Variants in KCNIP4 observed in about 807,000 individuals in gnomAD.
The protein encoded by KCNIP4 is Kv channel-interacting protein 4.
A neutral mutation model predicts 34.0 loss-of-function variants in KCNIP4; 12 were observed. That is an observed-to-expected ratio of 0.35 (90% CI 0.23 to 0.57). The LOEUF (loss-of-function observed/expected upper bound fraction) is 0.57, where lower values mean the gene tolerates loss of function less well. KCNIP4 is among the 20% of genes least tolerant of loss of function. The pLI is 0.83. For missense variants in KCNIP4, 238 were observed against 311.7 expected (o/e 0.76, Z 1.78); for synonymous variants, 124 against 102.2 (o/e 1.21, Z -1.29).
intron 1 of KCNIP4, among the ~76,000 whole-genome samples, chr4:21,533,015 CATATGTATATATAT>C (rs1736825136): frequency 7.0e-6 from 1 of 143,178 alleles, no homozygotes; most frequent in Non-Finnish European, 1.5e-5. Flanking sequence ...TGTATATATA[CATATGTATATATAT>C]ACTCTTCTAC....
chr4:21,257,308 A>G (rs1212997749), intron 1 of KCNIP4, among the ~76,000 whole-genome samples: 1 of 152,168 alleles, frequency 6.6e-6, no homozygotes, highest in African/African-American at 2.4e-5. Context: ...TTTTTCATTC[A>G]TTCATGTTTT....
At chr4:21,606,858 T>C (rs1743728505) in intron 1 of KCNIP4, among the ~76,000 whole-genome samples, 1 of 152,088 alleles carries the variant, frequency 6.6e-6, no homozygotes, top group Admixed American at 6.6e-5. Flanking sequence ...CTTTGGCTTG[T>C]GCATGCCTTC....
intron 1 of KCNIP4, among the ~76,000 whole-genome samples, chr4:21,443,834 G>C (rs1040734462): frequency 6.6e-6 from 1 of 152,094 alleles, no homozygotes; most frequent in Non-Finnish European, 1.5e-5. Context: ...TTGGGAGGCT[G>C]AGGTGGGAGG....
At chr4:21,768,477 A>C (rs1311268856) in intron 1 of KCNIP4, among the ~76,000 whole-genome samples, 1 of 152,140 alleles carries the variant, frequency 6.6e-6, no homozygotes, top group African/African-American at 2.4e-5. Flanking sequence ...TCAAGGAAAA[A>C]GAGAAATGCT....
At chr4:21,934,350 C>T (rs1051729885) in intron 1 of KCNIP4, among the ~76,000 whole-genome samples, 1 of 152,026 alleles carries the variant, frequency 6.6e-6, no homozygotes, top group Admixed American at 6.6e-5. Context: ...AGGTTACTTT[C>T]ATTGCCATCC....
intron 1 of KCNIP4, among the ~76,000 whole-genome samples, chr4:20,988,576 T>C (rs1736801728): frequency 6.6e-6 from 1 of 152,230 alleles, no homozygotes; most frequent in Non-Finnish European, 1.5e-5. Context: ...AAAATAAGTG[T>C]AGCAAGATTG....
Position 21,372,393 on chromosome 4 carries a change from G to GA in KCNIP4, c.62-489685_62-489684insT, listed in dbSNP as rs60923540. On this transcript the variant is annotated intron_variant, in intron 1 of 8. Transcript: ENST00000382152. ...AGATAGATAGATAGATAGATAGATA[G>GA]TTAGATAGACAGACAGACAGATACA... 7.9e-4 allele frequency among the ~76,000 whole-genome samples: 116 copies of GA among 146,894 alleles called. 10 individuals are homozygous for GA. The highest frequency in any genetic ancestry group is 4.8e-3 in the East Asian group (24 of 5,032).
chr4:21,550,246 A>G (rs140410579), intron 1 of KCNIP4, among the ~76,000 whole-genome samples: 43 of 152,164 alleles, frequency 2.8e-4, no homozygotes, highest in Admixed American at 1.2e-3. Context: ...TTCCTCCTCT[A>G]ATAGCCAATG....
At chr4:21,333,199 G>C (rs1036055037) in intron 1 of KCNIP4, among the ~76,000 whole-genome samples, 5 of 151,868 alleles carry the variant, frequency 3.3e-5, no homozygotes, top group Non-Finnish European at 7.4e-5. Context: ...TGGTGATTTT[G>C]CTTTAATAAT....
chr4:21,171,906 T>G (rs972314477), intron 1 of KCNIP4, among the ~76,000 whole-genome samples: 3 of 152,190 alleles, frequency 2.0e-5, no homozygotes, highest in African/African-American at 7.2e-5. Flanking sequence ...AAGTGGGAAC[T>G]TGTGTTCTAC....
intron 1 of KCNIP4, among the ~76,000 whole-genome samples, chr4:21,191,521 T>C (rs970091144): frequency 2.0e-5 from 3 of 152,164 alleles, no homozygotes; most frequent in African/African-American, 7.2e-5. Context: ...GTCAGGATGA[T>C]GCGCCCTAGT....
intron 1 of KCNIP4, among the ~76,000 whole-genome samples, chr4:21,071,420 T>G (rs1478103950): frequency 6.6e-6 from 1 of 152,112 alleles, no homozygotes; most frequent in South Asian, 2.1e-4. Context: ...TTGAGCGTCT[T>G]TTTGGGTTCT....
chr4:21,714,559 T>G (rs1577888605), intron 1 of KCNIP4, among the ~76,000 whole-genome samples: 1 of 120,408 alleles, frequency 8.3e-6, no homozygotes, highest in Non-Finnish European at 1.7e-5. Flanking sequence ...AAGGGGGGGA[T>G]TAATGGGGGA....
At chr4:20,824,177 A>G (rs1045163069) in intron 3 of KCNIP4, among the ~76,000 whole-genome samples, 37 of 152,212 alleles carry the variant, frequency 2.4e-4, no homozygotes, top group African/African-American at 8.9e-4. Context: ...TCTAGCACAA[A>G]GACAGCATTA....
intron 1 of KCNIP4, among the ~76,000 whole-genome samples, chr4:21,142,822 A>G (rs922994679): frequency 6.6e-6 from 1 of 152,220 alleles, no homozygotes; most frequent in Admixed American, 6.5e-5. Flanking sequence ...TGCAAATATG[A>G]TGCATGGCAT....
chr4:20,732,100 G>C, intron 7 of KCNIP4, 32 bp from the exon 8 acceptor site: 2 of 1,483,312 alleles, frequency 1.3e-6, no homozygotes, highest in Non-Finnish European at 1.9e-6. Flanking sequence ...ATTGTATTTA[G>C]ACTTATCCCT....
intron 1 of KCNIP4, among the ~76,000 whole-genome samples, chr4:21,437,304 C>T (rs67014159): frequency 0.12 from 18,089 of 152,050 alleles, 1,188 homozygotes; most frequent in East Asian, 0.18. Flanking sequence ...TTTTCAACAA[C>T]AATAACAACA....
intron 1 of KCNIP4, among the ~76,000 whole-genome samples, chr4:21,433,765 ATCTCTT>A (rs766745437): frequency 4.6e-5 from 7 of 152,088 alleles, no homozygotes; most frequent in Non-Finnish European, 1.0e-4. Flanking sequence ...CCTAATCTGA[ATCTCTT>A]TAGCTGGATA....
At chr4:21,169,660 T>TTGCGTGTGTGTGTGTG (rs769666168) in intron 1 of KCNIP4, among the ~76,000 whole-genome samples, 24 of 136,208 alleles carry the variant, frequency 1.8e-4, no homozygotes, top group African/African-American at 6.5e-4. Flanking sequence ...TACTTTATAT[T>TTGCGTGTGTGTGTGTG]TGTGTGTGTG....
Sources: allele counts gnomAD v4.1 joint callset (sites outside exome capture counted in the v4.1 genomes callset), GRCh38; gene constraint gnomAD v4.1.1; transcripts MANE v1.5; gene names NCBI Gene and HGNC (gene_info 2026-07-23, HGNC 2026-07-21).